MED12L: variants seen among roughly 807,000 people sequenced by gnomAD.
The protein encoded by MED12L is mediator complex subunit 12L, also known as mediator of RNA polymerase II transcription subunit 12-like protein.
A neutral mutation model predicts 281.3 loss-of-function variants in MED12L; 60 were observed. The ratio of observed to expected loss-of-function variants is 0.21; its 90% CI spans 0.17 to 0.26. The LOEUF (loss-of-function observed/expected upper bound fraction) is 0.26. Ranked by LOEUF, MED12L falls within the 10% of genes least tolerant of loss-of-function variation. The pLI, the probability that MED12L is intolerant of heterozygous loss-of-function variation, is 1.00. For missense variants in MED12L, 2,146 were observed against 2,680.9 expected (o/e 0.80, Z 4.41); for synonymous variants, 974 against 987.2 (o/e 0.99, Z 0.25).
At chr3:151,268,704 G>T (rs1389759170) in intron 16 of MED12L, among the ~76,000 whole-genome samples, 1 of 152,122 alleles carries the variant, frequency 6.6e-6, no homozygotes, top group African/African-American at 2.4e-5. Flanking sequence ...CTAACCTATA[G>T]GGCATTTATA....
chr3:151,278,308 T>TGA (rs1458742144), intron 16 of MED12L: 2 of 152,216 alleles, frequency 1.3e-5, no homozygotes, highest in Non-Finnish European at 2.9e-5. Flanking sequence ...CCTTCATCTG[T>TGA]GAGAGTCATG....
intron 11 of MED12L, among the ~76,000 whole-genome samples, chr3:151,171,576 C>A (rs1721434691): frequency 6.6e-6 from 1 of 152,208 alleles, no homozygotes; most frequent in Admixed American, 6.5e-5. Flanking sequence ...AAACCACACA[C>A]CCCAGACGGG....
At chr3:151,328,041 A>G (rs770644573) in intron 16 of MED12L, 11 of 1,602,186 alleles carry the variant, frequency 6.9e-6, no homozygotes. Flanking sequence ...TCTTGGCTTG[A>G]TGCTGTGGTC....
At chr3:151,272,930 C>T (rs192035997) in intron 16 of MED12L, among the ~76,000 whole-genome samples, 2 of 152,236 alleles carry the variant, frequency 1.3e-5, no homozygotes, top group East Asian at 3.9e-4. Context: ...TATCCCTAAT[C>T]CCAAAATCTG....
At chr3:151,301,247 T>C (rs1219204307) in intron 16 of MED12L, among the ~76,000 whole-genome samples, 1 of 152,198 alleles carries the variant, frequency 6.6e-6, no homozygotes, top group East Asian at 1.9e-4. Context: ...ACTGACGCAG[T>C]TAATTTTCTA....
At chr3:151,417,486 C>CCG (rs1553817993) in intron 43 of MED12L, among the ~76,000 whole-genome samples, 25 of 56,156 alleles carry the variant, frequency 4.5e-4, no homozygotes, top group African/African-American at 1.4e-3. Flanking sequence ...TCCCCCCCCG[C>CCG]CTTTTTTTTT....
intron 16 of MED12L, chr3:151,278,457 C>T (rs1742269921): frequency 6.6e-6 from 1 of 151,640 alleles, no homozygotes; most frequent in Non-Finnish European, 1.5e-5. Flanking sequence ...CTGCTGTTGT[C>T]AGATAGAATT....
intron 16 of MED12L, chr3:151,213,301 C>A: frequency 6.3e-7 from 1 of 1,595,728 alleles, no homozygotes; most frequent in South Asian, 1.1e-5. Context: ...GGTAGGAACT[C>A]ACAAAGTATC....
At chr3:151,111,485 A>G (rs926083404) in intron 2 of MED12L, among the ~76,000 whole-genome samples, 1 of 152,138 alleles carries the variant, frequency 6.6e-6, no homozygotes, top group African/African-American at 2.4e-5. Flanking sequence ...TCTTAAATGG[A>G]GTAGGGGGTT....
At chr3:151,328,540 G>A (rs769231083) in intron 16 of MED12L, 3 of 1,613,778 alleles carry the variant, frequency 1.9e-6, no homozygotes, top group Non-Finnish European at 1.7e-6. Flanking sequence ...GGGAGATGAA[G>A]AACAAAAAGA....
intron 16 of MED12L, among the ~76,000 whole-genome samples, chr3:151,287,028 T>C (rs1743600558): frequency 6.6e-6 from 1 of 152,206 alleles, no homozygotes; most frequent in Non-Finnish European, 1.5e-5. Context: ...ATGCTAGTAC[T>C]TCCTTATGGG....
intron 16 of MED12L, chr3:151,338,871 AAG>A (rs1313067948): frequency 1.2e-6 from 2 of 1,607,964 alleles, no homozygotes; most frequent in Admixed American, 1.7e-5. Flanking sequence ...TAGAGAACAA[AAG>A]AGAGGATGGT....
In MED12L at chr3:151,303,763, AAAAC is replaced by A. The variant is rs368321837; in HGVS notation, c.2251-46280_2251-46277del. Among the ~76,000 whole-genome samples, 489 of 150,470 alleles carry A rather than the reference AAAAC, an allele frequency of 3.2e-3. 1 individual carries two copies. The highest frequency in any genetic ancestry group is 0.011 in the African/African-American group (451 of 41,500). On this transcript the variant is annotated intron_variant, in intron 16 of 44. Coordinates refer to ENST00000687756, the MANE Select transcript of MED12L (RefSeq NM_001393769.1). ...GGATGACAGGGTGAGACTCCGTCTC[AAAAC>A]AAACAAACAAACAAAAAACCCAAAA...
intron 39 of MED12L, among the ~76,000 whole-genome samples, chr3:151,407,514 A>G (rs1257668672): frequency 1.3e-5 from 2 of 152,164 alleles, no homozygotes; most frequent in Non-Finnish European, 2.9e-5. Flanking sequence ...GTGGTCTTTA[A>G]GGATCTGGTT....
Position 151,385,018 on chromosome 3 carries a change from T to TC in MED12L, c.4927-12_4927-11insC. 7.2e-7 allele frequency: 1 copy of TC among 1,381,018 alleles called. No individual in the cohort carries two copies. The highest frequency in any genetic ancestry group is 1.0e-6 in the Non-Finnish European group (1 of 971,390). 85.5% of individuals were successfully genotyped at this position (1,381,018 alleles called of 1,614,324 possible). On this transcript the variant is annotated splice_polypyrimidine_tract_variant and intron_variant, in intron 35 of 44. Coordinates refer to ENST00000687756, the MANE Select transcript of MED12L (RefSeq NM_001393769.1). ...CCACTTCTCACTCTCTCTCTCTCTCTTTTTTCTTTAGAAAGAGCTAGGAGA... is the reference window on the plus strand; with the variant it reads ...CCACTTCTCACTCTCTCTCTCTCTCTCTTTTTCTTTAGAAAGAGCTAGGAGA...
chr3:151,161,761 A>G (rs564333665), intron 8 of MED12L, among the ~76,000 whole-genome samples: 29 of 152,324 alleles, frequency 1.9e-4, no homozygotes, highest in Non-Finnish European at 4.0e-4. Flanking sequence ...ATCCAAACCA[A>G]AGCAATCAGG....
intron 16 of MED12L, among the ~76,000 whole-genome samples, chr3:151,277,786 G>A (rs939751146): frequency 6.6e-6 from 1 of 152,054 alleles, no homozygotes; most frequent in Non-Finnish European, 1.5e-5. Flanking sequence ...GTGTTAATGG[G>A]GTTAACTTAT....
chr3:151,419,943 C>T lies in MED12L; in HGVS notation c.6408+3521C>T, dbSNP rs111723278. Among the ~76,000 whole-genome samples, 669 of 152,204 alleles carry T rather than the reference C, an allele frequency of 4.4e-3. 6 individuals carry two copies. Among genetic ancestry groups the T allele is most frequent in the African/African-American group, 0.015 (624 of 41,514 alleles). On this transcript the variant is annotated intron_variant, in intron 43 of 44. Transcript: ENST00000687756. ...GGAAGTACTCATGACAGTTACAGTCCGCTTTTCTGCCACTGTCACGTGGTC... is the reference window on the plus strand; with the variant it reads ...GGAAGTACTCATGACAGTTACAGTCTGCTTTTCTGCCACTGTCACGTGGTC...
intron 43 of MED12L, among the ~76,000 whole-genome samples, chr3:151,423,410 G>T (rs1308678307): frequency 1.3e-5 from 2 of 152,086 alleles, no homozygotes; most frequent in South Asian, 2.1e-4. Context: ...TTTAAAACGT[G>T]TCACCAGAAA....
Sources: allele counts gnomAD v4.1 joint callset (sites outside exome capture counted in the v4.1 genomes callset), GRCh38; gene constraint gnomAD v4.1.1; transcripts MANE v1.5; gene names NCBI Gene and HGNC (gene_info 2026-07-23, HGNC 2026-07-21).